Variants in CPOX observed in about 807,000 individuals in gnomAD.
CPOX encodes the protein coproporphyrinogen oxidase, also known as oxygen-dependent coproporphyrinogen-III oxidase, mitochondrial.
CPOX carries 24 observed loss-of-function variants against 48.9 expected under a neutral mutation model. The observed-to-expected ratio is 0.49, with a 90% confidence interval of 0.36 to 0.69. The LOEUF (loss-of-function observed/expected upper bound fraction) is 0.69. Among genes scored for constraint, CPOX ranks in the 30% least tolerant of loss-of-function variants. The probability of loss-of-function intolerance (pLI) is 0.00; values close to 1 mark genes in which losing one functional copy is unlikely to be tolerated. For missense variants in CPOX, 549 were observed against 597.3 expected (o/e 0.92, Z 0.84); for synonymous variants, 249 against 234.6 (o/e 1.06, Z -0.56).
At chr3:98,579,062 A>C (rs1212496110), downstream of CPOX, among the ~76,000 whole-genome samples, 1 of 152,032 alleles carries the variant, frequency 6.6e-6, no homozygotes, top group Non-Finnish European at 1.5e-5. Flanking sequence ...TCCTCTTACT[A>C]CTCCCACTAA....
chr3:98,586,026 CCAT>C (rs1345458713), intron 4 of CPOX, among the ~76,000 whole-genome samples: 2 of 152,154 alleles, frequency 1.3e-5, no homozygotes, highest in African/African-American at 2.4e-5. Flanking sequence ...GTGCCCACCA[CCAT>C]ACCTGGCTAA....
At chr3:98,582,488 TTTTTC>T (rs924976036) in intron 5 of CPOX, among the ~76,000 whole-genome samples, 7 of 152,076 alleles carry the variant, frequency 4.6e-5, no homozygotes, top group East Asian at 3.9e-4. Flanking sequence ...CAATAATTTT[TTTTTC>T]TTTTCTTTTT....
chr3:98,571,072 TTTA>T, the CPOX span, among the ~76,000 whole-genome samples: 82 of 152,346 alleles, frequency 5.4e-4, no homozygotes, highest in African/African-American at 1.9e-3. Flanking sequence ...GGCATTTCAT[TTTA>T]TTAATATACC....
downstream of CPOX, among the ~76,000 whole-genome samples, chr3:98,577,633 A>G (rs961814232): frequency 6.6e-6 from 1 of 152,210 alleles, no homozygotes; most frequent in Non-Finnish European, 1.5e-5. Context: ...CCTTAATGAC[A>G]GACTTGTCAG....
At chr3:98,575,340 C>T (rs181582260), downstream of CPOX, among the ~76,000 whole-genome samples, 47 of 152,258 alleles carry the variant, frequency 3.1e-4, 1 homozygote, top group Admixed American at 2.5e-3. Context: ...TATGTTCAAA[C>T]GCATTTTGAA....
intron 2 of CPOX, 55 bp from the exon 3 acceptor site, chr3:98,590,797 T>A (rs1707464527): frequency 7.5e-7 from 1 of 1,327,042 alleles, no homozygotes; most frequent in East Asian, 2.3e-5. Context: ...AATGCCTTGA[T>A]ACAATTTCAC....
downstream of CPOX, among the ~76,000 whole-genome samples, chr3:98,578,616 C>T (rs1050402201): frequency 4.6e-5 from 7 of 152,180 alleles, no homozygotes; most frequent in Non-Finnish European, 1.0e-4. Context: ...CATCCCCTAA[C>T]CCCTGCCATC....
chr3:98,593,467 C>G lies in CPOX; in HGVS notation c.38G>C (p.Cys13Ser), dbSNP rs1353158854. The change falls in exon 1 of 7, where the codon TGC (cysteine) becomes TCC (serine). Residue 13 changes from cysteine to serine, a missense_variant. By Grantham distance (112) the Cys-to-Ser change is moderately radical. This residue lies in a region of CPOX where 336 missense variants were observed against 318.1 expected (regional missense o/e 1.06). Transcript: ENST00000647941. ...GCAGCCGCCCCGCGCCACGAGCCAGCAGGGGCCCGAGCTCAGCCTGCCCAG... is the reference window on the plus strand; with the variant it reads ...GCAGCCGCCCCGCGCCACGAGCCAGGAGGGGCCCGAGCTCAGCCTGCCCAG... ...LQLGRLSSGP[C>S]WLVARGGCGG... The G allele has an allele frequency of 6.6e-7, 1 of 1,508,554 alleles. No individual in the cohort carries two copies. Among genetic ancestry groups the G allele is most frequent in the Non-Finnish European group, 8.8e-7 (1 of 1,135,358 alleles). 93.4% of individuals were successfully genotyped at this position (1,508,554 alleles called of 1,614,324 possible).
chr3:98,572,413 A>T, the CPOX span, among the ~76,000 whole-genome samples: 1 of 152,118 alleles, frequency 6.6e-6, no homozygotes, highest in Non-Finnish European at 1.5e-5. Context: ...TCTTAAAGGT[A>T]TCTGTTTTTT....
At chr3:98,585,418 G>T in intron 5 of CPOX, 23 bp downstream of exon 5, 1 of 1,600,460 alleles carries the variant, frequency 6.2e-7, no homozygotes, top group Non-Finnish European at 8.6e-7. Flanking sequence ...AGCCATGAAA[G>T]AATTCGTTTT....
In CPOX at chr3:98,585,319, A is replaced by G. The variant is rs113416634; in HGVS notation, c.1172+122T>C. 1,502 of 814,728 alleles carry G rather than the reference A, an allele frequency of 1.8e-3. 12 individuals carry two copies. In the African/African-American group the frequency reaches 0.021, roughly 12 times the overall value. 50.5% of individuals were successfully genotyped at this position (814,728 alleles called of 1,614,324 possible). On this transcript the variant is annotated intron_variant, in intron 5 of 6. Coordinates refer to ENST00000647941, the MANE Select transcript of CPOX (RefSeq NM_000097.7). ...ATGTCTTTTAATTCACTTAATATTC[A>G]TCTATGAAAAGAAATTAACACAACT...
At chr3:98,590,017 G>A (rs1425954813) in intron 3 of CPOX, among the ~76,000 whole-genome samples, 3 of 152,206 alleles carry the variant, frequency 2.0e-5, no homozygotes, top group Non-Finnish European at 1.5e-5. Context: ...CGTACATAAG[G>A]TATTCCTTCA....
In CPOX at chr3:98,585,403, C is replaced by G. The variant is rs375051012; in HGVS notation, c.1172+38G>C. 49 of 1,534,844 alleles carry G rather than the reference C, an allele frequency of 3.2e-5. 1 individual carries two copies. The highest frequency in any genetic ancestry group is 4.3e-5 in the Non-Finnish European group (48 of 1,109,288). On this transcript the variant is annotated intron_variant, in intron 5 of 6. Coordinates refer to ENST00000647941, the MANE Select transcript of CPOX (RefSeq NM_000097.7). ...TTATTAAGAGCTGCTCCACCTCCCC[C>G]ACTTAGCCATGAAAGAATTCGTTTT...
chr3:98,587,491 T>C (rs1158924877), intron 4 of CPOX, among the ~76,000 whole-genome samples: 1 of 148,706 alleles, frequency 6.7e-6, no homozygotes, highest in East Asian at 2.0e-4. Context: ...ATGAGTGTTC[T>C]TGCCGGTGGG....
At chr3:98,585,330 G>T in intron 5 of CPOX, 111 bp downstream of exon 5, 1 of 864,570 alleles carries the variant, frequency 1.2e-6, no homozygotes, top group East Asian at 2.4e-5. Flanking sequence ...TCTATGAAAA[G>T]AAATTAACAC....
chr3:98,580,610 A>G lies in CPOX; in HGVS notation c.*73T>C, dbSNP rs139447447. 3,762 of 1,609,792 alleles carry G rather than the reference A, an allele frequency of 2.3e-3. 71 individuals are homozygous for G. In the African/African-American group the frequency reaches 0.044, roughly 19 times the overall value. On this transcript the variant is annotated 3_prime_UTR_variant, in exon 7 of 7. Coordinates refer to ENST00000647941, the MANE Select transcript of CPOX (RefSeq NM_000097.7). ...GCACGGGTAACTGCCACACAGTGGC[A>G]AAGTGCCGACCAGTGGCATGGGGAG... is the stretch of plus-strand genomic sequence containing the variant.
downstream of CPOX, among the ~76,000 whole-genome samples, chr3:98,578,938 G>A (rs569249190): frequency 4.6e-5 from 7 of 152,318 alleles, no homozygotes; most frequent in Non-Finnish European, 8.8e-5. Flanking sequence ...ACCTAGGAAT[G>A]AGGAACTATG....
intron 3 of CPOX, among the ~76,000 whole-genome samples, chr3:98,590,273 G>A (rs779349870): frequency 1.1e-4 from 16 of 152,246 alleles, no homozygotes; most frequent in Non-Finnish European, 1.9e-4. Context: ...TCAGCTGCCC[G>A]AATAGCTGGG....
chr3:98,581,521 A>G lies in CPOX; in HGVS notation c.1173-10T>C, dbSNP rs765291605. The stretch of plus-strand genomic sequence containing the variant: ...ATTAAATTCTACATACCTGCCATAA[A>G]TACATCAAATAACATTAAGGGCCAG... On this transcript the variant is annotated splice_polypyrimidine_tract_variant and intron_variant, in intron 5 of 6. Coordinates refer to ENST00000647941, the MANE Select transcript of CPOX (RefSeq NM_000097.7). The G allele has an allele frequency of 3.1e-6, 5 of 1,592,380 alleles. No individual in the cohort carries two copies. The highest frequency in any genetic ancestry group is 4.3e-6 in the Non-Finnish European group (5 of 1,160,302).
Sources: gnomAD v4.1 joint callset for allele counts (sites outside exome capture counted in the v4.1 genomes callset) on GRCh38, gnomAD v4.1.1 for gene constraint, gnomAD v4.1.1 regional missense constraint, MANE v1.5 for transcripts, NCBI Gene and HGNC (gene_info 2026-07-23, HGNC 2026-07-21) for gene names.